PRKCQ: variants seen among roughly 807,000 people sequenced by gnomAD.
PRKCQ encodes the protein protein kinase C theta type.
In PRKCQ, 41 loss-of-function variants were observed where a neutral mutation model predicts 91.2. The observed-to-expected ratio is 0.45, with a 90% CI of 0.35 to 0.58. The LOEUF is 0.58. Ranked by LOEUF, PRKCQ falls within the 20% of genes least tolerant of loss-of-function variation. The probability of loss-of-function intolerance (pLI) is 0.00; values close to 1 mark genes in which losing one functional copy is unlikely to be tolerated. For synonymous variants in PRKCQ, 307 were observed against 316.9 expected (o/e 0.97, Z 0.33); for missense variants, 673 against 896.5 (o/e 0.75, Z 3.18).
chr10:6,521,387 T>C (rs1281677299), intron 1 of PRKCQ, among the ~76,000 whole-genome samples: 2 of 152,202 alleles, frequency 1.3e-5, no homozygotes, highest in African/African-American at 4.8e-5. Context: ...AGCCCAGCAC[T>C]TGTTGTAAAC....
In PRKCQ at chr10:6,507,576, T is replaced by C. The variant is rs907977017; in HGVS notation, c.319-80A>G. On this transcript the variant is annotated intron_variant, in intron 3 of 17. Transcript: ENST00000263125. ...CAATGACATCACTGGCTACTGACGA[T>C]GGCAGGAGATTTCCACCACAGAATA... The C allele has an allele frequency of 1.2e-5, 15 of 1,211,968 alleles. No homozygotes were observed. In the Admixed American group the frequency reaches 1.5e-4, roughly 12 times the overall value. 75.1% of individuals were successfully genotyped at this position (1,211,968 alleles called of 1,614,324 possible). A position where few individuals can be genotyped will look rare whatever the true frequency, so the allele number is the denominator to read the frequency against.
At chr10:6,502,232 G>A (rs148628212) in intron 4 of PRKCQ, among the ~76,000 whole-genome samples, 1 of 152,222 alleles carries the variant, frequency 6.6e-6, no homozygotes, top group Non-Finnish European at 1.5e-5. Flanking sequence ...AACTATACCA[G>A]CTAAGGCAGG....
intron 8 of PRKCQ, among the ~76,000 whole-genome samples, chr10:6,489,122 G>C (rs572271634): frequency 2.0e-5 from 3 of 151,368 alleles, no homozygotes; most frequent in African/African-American, 7.3e-5. Flanking sequence ...TTTCATGATT[G>C]TGCTCCAAAT....
chr10:6,451,367 A>T (rs1423208255), intron 15 of PRKCQ, among the ~76,000 whole-genome samples: 24 of 152,192 alleles, frequency 1.6e-4, no homozygotes, highest in Non-Finnish European at 2.8e-4. Context: ...CTCTCCCAAG[A>T]CTAAACCAGG....
chr10:6,570,966 G>GA (rs1227325171), intron 1 of PRKCQ, among the ~76,000 whole-genome samples: 1 of 152,158 alleles, frequency 6.6e-6, no homozygotes, highest in African/African-American at 2.4e-5. Context: ...TCTGAATCGG[G>GA]AAACTTGTAC....
intron 14 of PRKCQ, among the ~76,000 whole-genome samples, chr10:6,458,192 T>G (rs1835126219): frequency 6.6e-6 from 1 of 152,206 alleles, no homozygotes; most frequent in African/African-American, 2.4e-5. Context: ...TGCCTCAGAC[T>G]CAAAATGCTG....
At chr10:6,445,306 A>G (rs925109587) in intron 15 of PRKCQ, among the ~76,000 whole-genome samples, 1 of 152,046 alleles carries the variant, frequency 6.6e-6, no homozygotes, top group Non-Finnish European at 1.5e-5. Context: ...AGTGAGGCCC[A>G]GGGGTGCTGT....
At chr10:6,558,387 T>TA (rs913856769) in intron 1 of PRKCQ, among the ~76,000 whole-genome samples, 3 of 152,158 alleles carry the variant, frequency 2.0e-5, no homozygotes, top group African/African-American at 7.2e-5. Context: ...TTGTTTTTTT[T>TA]AAAAAAGGCT....
chr10:6,557,277 G>C (rs1840458779), intron 1 of PRKCQ, among the ~76,000 whole-genome samples: 1 of 152,144 alleles, frequency 6.6e-6, no homozygotes, highest in Non-Finnish European at 1.5e-5. Flanking sequence ...CAAGAGCGCT[G>C]ATGACTTGGT....
chr10:6,513,447 C>CAAAA (rs58606251), intron 2 of PRKCQ, among the ~76,000 whole-genome samples: 4 of 105,592 alleles, frequency 3.8e-5, no homozygotes, highest in African/African-American at 1.2e-4. Context: ...AGGCCAAATG[C>CAAAA]AAAAAAAAAA....
At chr10:6,436,554 G>C (rs768824597) in intron 16 of PRKCQ, among the ~76,000 whole-genome samples, 4 of 152,288 alleles carry the variant, frequency 2.6e-5, no homozygotes, top group Admixed American at 6.5e-5. Context: ...GCTGCATCCT[G>C]AGAGTCACGC....
intron 9 of PRKCQ, 146 bp downstream of exon 9, chr10:6,485,889 T>A (rs1414885019): frequency 1.1e-5 from 7 of 622,968 alleles, no homozygotes; most frequent in Non-Finnish European, 2.0e-5. Flanking sequence ...GGTGTGGGCA[T>A]GGATATGAAA....
intron 15 of PRKCQ, among the ~76,000 whole-genome samples, chr10:6,449,967 T>C (rs1245229463): frequency 1.3e-5 from 2 of 152,062 alleles, no homozygotes; most frequent in Non-Finnish European, 2.9e-5. Context: ...TGGTACCAGC[T>C]GCTGCAAAAT....
At chr10:6,532,124 C>G (rs140606050) in intron 1 of PRKCQ, among the ~76,000 whole-genome samples, 117 of 152,252 alleles carry the variant, frequency 7.7e-4, no homozygotes, top group African/African-American at 2.5e-3. Flanking sequence ...GGCCAGATGT[C>G]GGACCCTATC....
chr10:6,498,633 G>A, intron 4 of PRKCQ, 75 bp from the exon 5 acceptor site: 2 of 1,473,582 alleles, frequency 1.4e-6, no homozygotes, highest in Non-Finnish European at 1.8e-6. Flanking sequence ...GTCAGGAGGG[G>A]AGGGAGATGG....
At chr10:6,574,834 G>A (rs1448621755) in intron 1 of PRKCQ, among the ~76,000 whole-genome samples, 1 of 152,140 alleles carries the variant, frequency 6.6e-6, no homozygotes, top group Non-Finnish European at 1.5e-5. Flanking sequence ...TACAAACACT[G>A]TTCCTACCTC....
intron 12 of PRKCQ, among the ~76,000 whole-genome samples, chr10:6,467,856 A>T (rs1289502498): frequency 6.6e-6 from 1 of 152,192 alleles, no homozygotes; most frequent in African/African-American, 2.4e-5. Context: ...CATTCTGTAG[A>T]TAGGTGGGTA....
At chr10:6,407,908 T>A in the PRKCQ span, among the ~76,000 whole-genome samples, 2 of 152,184 alleles carry the variant, frequency 1.3e-5, no homozygotes, top group East Asian at 3.8e-4. This position sits in a 1 kb window ranked among gnomAD's most constrained non-coding sequence, Gnocchi z 4.0. Flanking sequence ...AAATGATATA[T>A]CTATCTTGAA....
chr10:6,557,488 C>CG (rs1471050175), intron 1 of PRKCQ, among the ~76,000 whole-genome samples: 1 of 152,162 alleles, frequency 6.6e-6, no homozygotes, highest in Non-Finnish European at 1.5e-5. Flanking sequence ...TCCCTCTCAG[C>CG]TCACTCTTCA....
Sources: gnomAD v4.1 joint callset for allele counts (sites outside exome capture counted in the v4.1 genomes callset) on GRCh38, gnomAD v4.1.1 for gene constraint, Gnocchi (gnomAD v3.1) non-coding constraint, MANE v1.5 for transcripts, NCBI Gene and HGNC (gene_info 2026-07-23, HGNC 2026-07-21) for gene names.